PTPRO: variants seen among roughly 807,000 people sequenced by gnomAD.
PTPRO encodes the protein receptor-type tyrosine-protein phosphatase O.
PTPRO carries 62 observed loss-of-function variants against 145.2 expected under a neutral mutation model. The observed-to-expected ratio is 0.43, with a 90% CI of 0.35 to 0.53. The LOEUF (loss-of-function observed/expected upper bound fraction) is 0.53. PTPRO is among the 20% of genes least tolerant of loss of function. The pLI is 0.01. For missense variants in PTPRO, 1,345 were observed against 1,482.7 expected (o/e 0.91, Z 1.53); for synonymous variants, 565 against 514.7 (o/e 1.10, Z -1.32).
rs181690144 is a variant in PTPRO at position 15,596,642 on chromosome 12, T to C, written c.*569T>C. On this transcript the variant is annotated 3_prime_UTR_variant, in exon 27 of 27. Transcript: ENST00000281171. The stretch of plus-strand genomic sequence containing the variant: ...GTACTCCAACATTACCGGATCTGGA[T>C]TGGGGAGGTTGGTCAGGGAAGAGAG... 36 of 152,416 alleles carry C rather than the reference T, an allele frequency of 2.4e-4. 1 individual carries two copies. The highest frequency in any genetic ancestry group is 2.1e-3 in the Admixed American group (32 of 15,276). 9.4% of individuals were successfully genotyped at this position (152,416 alleles called of 1,614,324 possible).
intron 2 of PTPRO, among the ~76,000 whole-genome samples, chr12:15,484,638 T>C (rs1332137649): frequency 6.6e-6 from 1 of 152,104 alleles, no homozygotes; most frequent in Non-Finnish European, 1.5e-5. Flanking sequence ...GAACTGATAC[T>C]CCTATTTAAC....
chr12:15,405,692 TAAG>T (rs1359693386), intron 1 of PTPRO, among the ~76,000 whole-genome samples: 1 of 152,192 alleles, frequency 6.6e-6, no homozygotes. Flanking sequence ...TATTGGCCGT[TAAG>T]AGAATGAAGG....
chr12:15,435,169 T>C (rs1940561063), intron 1 of PTPRO, among the ~76,000 whole-genome samples: 1 of 152,194 alleles, frequency 6.6e-6, no homozygotes, highest in Non-Finnish European at 1.5e-5. Context: ...TATAGGGTAA[T>C]AGACTTTCCC....
chr12:15,468,516 C>T (rs1001502470), intron 1 of PTPRO, among the ~76,000 whole-genome samples: 6 of 152,188 alleles, frequency 3.9e-5, no homozygotes, highest in African/African-American at 1.4e-4. Context: ...TCCAACTAAT[C>T]ATCAGGTCAA....
At chr12:15,563,123 C>T (rs1239094142) in intron 17 of PTPRO, among the ~76,000 whole-genome samples, 1 of 152,170 alleles carries the variant, frequency 6.6e-6, no homozygotes, top group Middle Eastern at 3.4e-3. Context: ...CAGAATGTAT[C>T]TTAACTTTTT....
At chr12:15,414,814 G>A (rs1425812154) in intron 1 of PTPRO, among the ~76,000 whole-genome samples, 1 of 152,178 alleles carries the variant, frequency 6.6e-6, no homozygotes, top group African/African-American at 2.4e-5. Context: ...AAATGGATGT[G>A]ATTTTTTTCT....
In PTPRO at chr12:15,503,936, T is replaced by C; in HGVS notation, c.1134T>C (p.Asp378=). The C allele has an allele frequency of 3.8e-6, 6 of 1,584,934 alleles. No homozygotes were observed. The highest frequency in any genetic ancestry group is 5.2e-6 in the Non-Finnish European group (6 of 1,153,940). ...ACTTTACTGAATATTTGATGGTGGA[T>C]GAAGAAGCACATGAATTTGTTGCAG... The part of the protein sequence containing the change: ...EENFTEYLMV[D]EEAHEFVAEL... Residue 378 remains aspartate, a synonymous_variant, in exon 6 of 27, where the codon GAT becomes GAC. Transcript: ENST00000281171.
chr12:15,327,902 T>A (rs1254592958), intron 1 of PTPRO, among the ~76,000 whole-genome samples: 4 of 151,996 alleles, frequency 2.6e-5, no homozygotes, highest in Admixed American at 2.0e-4. Context: ...TCACCTGAGG[T>A]CAGGAATTCG....
At chr12:15,516,689 G>A (rs1942606005) in intron 8 of PTPRO, 74 bp from the exon 9 acceptor site, 1 of 1,338,970 alleles carries the variant, frequency 7.5e-7, no homozygotes, top group Non-Finnish European at 1.1e-6. Flanking sequence ...GGGTCATTAA[G>A]TAGAAGTTTG....
chr12:15,342,002 A>C (rs1414674841), intron 1 of PTPRO, among the ~76,000 whole-genome samples: 1 of 152,218 alleles, frequency 6.6e-6, no homozygotes, highest in Non-Finnish European at 1.5e-5. Context: ...TATCTTATTA[A>C]AAATGTCTGC....
intron 7 of PTPRO, among the ~76,000 whole-genome samples, chr12:15,512,713 G>A (rs1308204419): frequency 1.3e-5 from 2 of 152,054 alleles, no homozygotes; most frequent in East Asian, 3.9e-4. Flanking sequence ...TCTCTATCAG[G>A]CCAGGCACGG....
chr12:15,363,192 A>G (rs1938260894), intron 1 of PTPRO, among the ~76,000 whole-genome samples: 1 of 152,180 alleles, frequency 6.6e-6, no homozygotes, highest in Non-Finnish European at 1.5e-5. Flanking sequence ...TTTGAAATGA[A>G]TATGGAATGA....
At chr12:15,475,232 A>C (rs1165964904) in intron 1 of PTPRO, among the ~76,000 whole-genome samples, 2 of 152,238 alleles carry the variant, frequency 1.3e-5, no homozygotes, top group East Asian at 1.9e-4. Flanking sequence ...AGAATTCTTC[A>C]TAATTACATA....
chr12:15,586,788 A>T, intron 23 of PTPRO, 109 bp from the exon 24 acceptor site: 1 of 1,221,362 alleles, frequency 8.2e-7, no homozygotes, highest in South Asian at 1.2e-5. Context: ...TGTACTGACC[A>T]GGAGTGGAAC....
chr12:15,487,553 A>G (rs2136445792), intron 2 of PTPRO, among the ~76,000 whole-genome samples: 1 of 152,246 alleles, frequency 6.6e-6, no homozygotes, highest in South Asian at 2.1e-4. Context: ...TTCAATTATC[A>G]TCTGCACACC....
At chr12:15,493,522 G>A (rs1420906308) in intron 2 of PTPRO, among the ~76,000 whole-genome samples, 3 of 151,974 alleles carry the variant, frequency 2.0e-5, no homozygotes, top group South Asian at 2.1e-4. Context: ...TCTAAGAAAA[G>A]GAAAGCTGAT....
chr12:15,458,236 A>C (rs1221239940), intron 1 of PTPRO, among the ~76,000 whole-genome samples: 4 of 152,158 alleles, frequency 2.6e-5, no homozygotes, highest in African/African-American at 7.2e-5. Flanking sequence ...AGCCTTATGC[A>C]GATTCCCTGT....
At chr12:15,456,805 T>G (rs1161212371) in intron 1 of PTPRO, among the ~76,000 whole-genome samples, 1 of 152,192 alleles carries the variant, frequency 6.6e-6, no homozygotes, top group Admixed American at 6.5e-5. Flanking sequence ...TCAATTACAA[T>G]GTCTCTGCTT....
intron 12 of PTPRO, among the ~76,000 whole-genome samples, chr12:15,539,761 CAAAAAAAAAAAAAAAAAAAAAA>C (rs56061735): frequency 2.3e-4 from 12 of 52,458 alleles, no homozygotes; most frequent in South Asian, 1.2e-3. Flanking sequence ...GACTCTGTCT[CAAAAAAAAAAAAAAAAAAAAAA>C]AAAAAAAAAA....
Sources: allele counts gnomAD v4.1 joint callset (sites outside exome capture counted in the v4.1 genomes callset), GRCh38; gene constraint gnomAD v4.1.1; transcripts MANE v1.5; gene names NCBI Gene and HGNC (gene_info 2026-07-23, HGNC 2026-07-21).